The following TRIM37 variants were observed in gnomAD, a reference collection of about 807,000 sequenced individuals.
TRIM37 encodes the protein E3 ubiquitin-protein ligase TRIM37.
TRIM37 carries 80 observed loss-of-function variants against 129.8 expected under a neutral mutation model. That is an observed-to-expected ratio of 0.62 (90% CI 0.51 to 0.74). The LOEUF is 0.74. Ranked by LOEUF, TRIM37 falls within the 30% of genes least tolerant of loss-of-function variation. The pLI is 0.00. For synonymous variants in TRIM37, 389 were observed against 387.1 expected (o/e 1.00, Z -0.06); for missense variants, 1,054 against 1,176.5 (o/e 0.90, Z 1.52).
At chr17:59,092,707 T>C (rs1228062608) in intron 2 of TRIM37, among the ~76,000 whole-genome samples, 1 of 152,176 alleles carries the variant, frequency 6.6e-6, no homozygotes, top group African/African-American at 2.4e-5. Context: ...TCCCAATATC[T>C]GTTATTTGTT....
intron 3 of TRIM37, 72 bp downstream of exon 3, chr17:59,091,228 T>A: frequency 1.6e-6 from 2 of 1,220,724 alleles, no homozygotes; most frequent in Non-Finnish European, 2.3e-6. Flanking sequence ...GAAAACTGCC[T>A]TTATGAATCC....
At chr17:59,032,896 G>T (rs1004370967) in intron 17 of TRIM37, among the ~76,000 whole-genome samples, 1 of 152,010 alleles carries the variant, frequency 6.6e-6, no homozygotes, top group East Asian at 1.9e-4. Flanking sequence ...TAAATAATGG[G>T]GTACAATTTG....
intron 24 of TRIM37, chr17:58,983,610 T>C (rs1038010465): frequency 2.0e-5 from 3 of 152,658 alleles, no homozygotes; most frequent in Non-Finnish European, 4.4e-5. Context: ...ATTGTAAAAA[T>C]ATTAGACAGA....
At chr17:58,993,093 C>G (rs968044778) in intron 24 of TRIM37, among the ~76,000 whole-genome samples, 1 of 152,124 alleles carries the variant, frequency 6.6e-6, no homozygotes, top group Non-Finnish European at 1.5e-5. Flanking sequence ...TTTTGTAATA[C>G]TGAATAAGCC....
At chr17:58,997,492 G>A (rs1370090987), downstream of TRIM37, among the ~76,000 whole-genome samples, 1 of 151,958 alleles carries the variant, frequency 6.6e-6, no homozygotes, top group African/African-American at 2.4e-5. Context: ...GGCCAAACAG[G>A]TTTGATACAC....
chr17:58,989,317 T>A (rs2032124894), intron 24 of TRIM37, among the ~76,000 whole-genome samples: 1 of 152,090 alleles, frequency 6.6e-6, no homozygotes, highest in Non-Finnish European at 1.5e-5. Flanking sequence ...ACACCTGTAG[T>A]CCCAGCTACT....
chr17:59,010,140 T>C (rs1390030962), intron 22 of TRIM37, among the ~76,000 whole-genome samples: 3 of 152,218 alleles, frequency 2.0e-5, no homozygotes, highest in African/African-American at 7.2e-5. Context: ...CAAGTGATTC[T>C]CAAGGAGTGG....
the TRIM37 span, among the ~76,000 whole-genome samples, chr17:58,974,806 C>A: frequency 1.3e-5 from 2 of 152,100 alleles, no homozygotes. Flanking sequence ...TTGAGTTCCT[C>A]CCACTCTTTG....
At position 59,106,519 on chromosome 17, in the gene TRIM37, T is replaced by C. The variant is rs1038199074; in HGVS notation, c.-58A>G. The C allele has an allele frequency of 6.2e-6, 10 of 1,608,106 alleles. No individual in the cohort carries two copies. In the African/African-American group the frequency reaches 6.7e-5, roughly 11 times the overall value. On this transcript the variant is annotated 5_prime_UTR_variant, in exon 1 of 24. Transcript: ENST00000262294. ...CCGCAGGCTCCGCAGTCTGACCTCT[T>C]AGGCGCCGGCCCGAGGTCGCCAGAT...
At chr17:59,022,457 G>T (rs1213669162) in intron 19 of TRIM37, among the ~76,000 whole-genome samples, 6 of 152,224 alleles carry the variant, frequency 3.9e-5, no homozygotes, top group Non-Finnish European at 8.8e-5. Context: ...AGTAAGAAAA[G>T]AGGCAGTTTG....
In TRIM37 at chr17:58,982,735, C is replaced by T. The variant is rs1055573365; in HGVS notation, c.*183G>A. 7 of 537,082 alleles carry T rather than the reference C, an allele frequency of 1.3e-5. No homozygotes were observed. The East Asian group carries it at 2.1e-4, about 16-fold the overall frequency. 33.3% of individuals were successfully genotyped at this position (537,082 alleles called of 1,614,324 possible). A position where few individuals can be genotyped will look rare whatever the true frequency, so the allele number is the denominator to read the frequency against. On this transcript the variant is annotated 3_prime_UTR_variant, in exon 25 of 25. Coordinates refer to the TRIM37 transcript ENST00000393066. Reference sequence around the variant, plus strand: ...ATTTGTTTTCTCTTGATTTTGAAGTCATTTCTTCTTCTCACGTCTGTGACA... The same window carrying T: ...ATTTGTTTTCTCTTGATTTTGAAGTTATTTCTTCTTCTCACGTCTGTGACA...
At chr17:59,050,776 G>A (rs1382224567) in intron 14 of TRIM37, among the ~76,000 whole-genome samples, 1 of 152,104 alleles carries the variant, frequency 6.6e-6, no homozygotes, top group African/African-American at 2.4e-5. Context: ...TCAGGACATC[G>A]AGACCATCCT....
intron 15 of TRIM37, among the ~76,000 whole-genome samples, chr17:59,048,250 TA>T (rs2040008882): frequency 6.6e-6 from 1 of 152,224 alleles, no homozygotes; most frequent in African/African-American, 2.4e-5. Flanking sequence ...ACCCTTCCTT[TA>T]ACTCAGTTTA....
the TRIM37 span, among the ~76,000 whole-genome samples, chr17:58,974,726 T>C: frequency 7.9e-5 from 12 of 152,236 alleles, no homozygotes; most frequent in African/African-American, 2.7e-4. Context: ...AGTCTCAAAA[T>C]TTAGTTAAAA....
At chr17:59,037,431 G>A (rs899471330) in intron 17 of TRIM37, among the ~76,000 whole-genome samples, 2 of 151,338 alleles carry the variant, frequency 1.3e-5, no homozygotes, top group Admixed American at 1.3e-4. Context: ...GGTGGCGGGC[G>A]CCTGTAGTCC....
Position 59,016,599 on chromosome 17 carries a change from C to CAAAA in TRIM37, c.2386+693_2386+696dup, listed in dbSNP as rs57582105. Reference sequence around the variant, plus strand: ...ACAATGTAGCAAAACCCTGTCTCGGCAAAAAAAAAAAAAAAAAAAAAAAAA... The same window carrying CAAAA: ...ACAATGTAGCAAAACCCTGTCTCGGCAAAAAAAAAAAAAAAAAAAAAAAAAAAAA... On this transcript the variant is annotated intron_variant, in intron 20 of 23. Coordinates refer to ENST00000262294, the MANE Select transcript of TRIM37 (RefSeq NM_015294.6). Among the ~76,000 whole-genome samples, 14 of 20,766 alleles carry CAAAA rather than the reference C, an allele frequency of 6.7e-4. 1 individual carries two copies. Among genetic ancestry groups the CAAAA allele is most frequent in the Admixed American group, 8.7e-4 (1 of 1,156 alleles). The allele number at this position is 20,766 out of a possible 152,430, so 13.6% of individuals were successfully genotyped here.
rs1308338960 is a variant in TRIM37, at chr17:59,088,450, A to G, written c.165-43T>C. On this transcript the variant is annotated intron_variant, in intron 3 of 23. Coordinates refer to ENST00000262294, the MANE Select transcript of TRIM37 (RefSeq NM_015294.6). ...ACACATACACTAATTCAGGAATTTG[A>G]GATTATTTTATAAAATAAATACGTT... 3.6e-6 allele frequency: 4 copies of G among 1,096,188 alleles called. No homozygotes were observed. In the South Asian group the frequency reaches 5.0e-5, roughly 14 times the overall value. 67.9% of individuals were successfully genotyped at this position (1,096,188 alleles called of 1,614,324 possible). A position where few individuals can be genotyped will look rare whatever the true frequency, so the allele number is the denominator to read the frequency against.
At chr17:59,028,348 G>T in intron 19 of TRIM37, 67 bp downstream of exon 19, 1 of 1,476,134 alleles carries the variant, frequency 6.8e-7, no homozygotes, top group South Asian at 1.2e-5. Context: ...TTATTCTTTT[G>T]AAAAAACCAG....
downstream of TRIM37, among the ~76,000 whole-genome samples, chr17:58,994,117 C>T (rs2032731333): frequency 6.6e-6 from 1 of 152,130 alleles, no homozygotes; most frequent in East Asian, 1.9e-4. Context: ...GAGAGCTAGG[C>T]TTCTGTCAGA....
Sources: allele counts gnomAD v4.1 joint callset (sites outside exome capture counted in the v4.1 genomes callset), GRCh38; gene constraint gnomAD v4.1.1; transcripts MANE v1.5; gene names NCBI Gene and HGNC (gene_info 2026-07-23, HGNC 2026-07-21).